Variants in HSP90AA1 observed in about 807,000 individuals in gnomAD.
The protein encoded by HSP90AA1 is heat shock protein 90 alpha family class A member 1, also known as heat shock protein HSP 90-alpha.
HSP90AA1 carries 18 observed loss-of-function variants against 73.3 expected under a neutral mutation model. That is an observed-to-expected ratio of 0.25 (90% CI 0.17 to 0.36). The LOEUF (loss-of-function observed/expected upper bound fraction) is 0.36. HSP90AA1 is among the 10% of genes least tolerant of loss of function. The pLI, the probability that HSP90AA1 is intolerant of heterozygous loss-of-function variation, is 1.00. For synonymous variants in HSP90AA1, 477 were observed against 296.9 expected (o/e 1.61, Z -6.24); for missense variants, 704 against 874.2 (o/e 0.81, Z 2.45).
intron 1 of HSP90AA1, among the ~76,000 whole-genome samples, chr14:102,137,469 G>A (rs1053736957): frequency 6.6e-6 from 1 of 151,560 alleles, no homozygotes; most frequent in Admixed American, 6.6e-5. Context: ...GGGATTACAG[G>A]CATGTGTCAC....
chr14:102,081,710 G>C lies in HSP90AA1; in HGVS notation c.*2C>G. ...ACAGGTAAGTCATCCCTCAGCCAGA[G>C]ATTAGTCTACTTCTTCCATGCGTGA... On this transcript the variant is annotated 3_prime_UTR_variant, in exon 11 of 11. Coordinates refer to ENST00000216281, the MANE Select transcript of HSP90AA1 (RefSeq NM_005348.4). 1 of 1,325,084 alleles carries C rather than the reference G, an allele frequency of 7.5e-7. No homozygotes were observed. Among genetic ancestry groups the C allele is most frequent in the African/African-American group, 1.4e-5 (1 of 69,362 alleles). The allele number at this position is 1,325,084 out of a possible 1,614,324, so 82.1% of individuals were successfully genotyped here.
intron 10 of HSP90AA1, 84 bp downstream of exon 10, chr14:102,082,027 A>T: frequency 1.0e-6 from 1 of 999,692 alleles, no homozygotes; most frequent in Non-Finnish European, 1.6e-6. Flanking sequence ...AGGTGCTCCA[A>T]GTTTGGATAA....
At chr14:102,139,470 CCTCCGCTCTTT>C in exon 1 of HSP90AA1, 1 of 1,455,410 alleles carries the variant, frequency 6.9e-7, no homozygotes, top group Admixed American at 2.4e-5. Flanking sequence ...TGGCGCTCTT[CCTCCGCTCTTT>C]GGGGTCCCGG....
rs1450478753 is a variant in HSP90AA1, at chr14:102,081,297, G to A, written c.*415C>T. The A allele has an allele frequency of 1.0e-5, 3 of 295,612 alleles. No individual in the cohort carries two copies. The highest frequency in any genetic ancestry group is 9.4e-5 in the Admixed American group (2 of 21,348). The allele number at this position is 295,612 out of a possible 1,614,324, so 18.3% of individuals were successfully genotyped here. ...GTACATGCAGAATTGTCAACTACAG[G>A]GAATGAAAAGTTCAAAAAGTAGATC... On this transcript the variant is annotated 3_prime_UTR_variant, in exon 11 of 11. Transcript: ENST00000216281.
intron 1 of HSP90AA1, among the ~76,000 whole-genome samples, chr14:102,102,942 G>T (rs755735030): frequency 6.6e-6 from 1 of 152,076 alleles, no homozygotes; most frequent in South Asian, 2.1e-4. Flanking sequence ...ACTTTGGGAG[G>T]CCGAGGTGGG....
intron 1 of HSP90AA1, among the ~76,000 whole-genome samples, chr14:102,128,311 G>A (rs2049862202): frequency 6.6e-6 from 1 of 151,360 alleles, no homozygotes; most frequent in African/African-American, 2.4e-5. Flanking sequence ...GACCAACATG[G>A]TGAAACCCCG....
rs35598057 is a variant in HSP90AA1 at position 102,082,208 on chromosome 14, G to A, written c.1992C>T (p.Ile664=). 8.6e-5 allele frequency: 139 copies of A among 1,613,920 alleles called. No individual in the cohort carries two copies. The African/African-American group carries it at 1.6e-3, about 19-fold the overall frequency. ...KNDKSVKDLV[I]LLYETALLSS... ...ACAGGAGCGCAGTTTCATAAAGCAA[G>A]ATGACCAGATCCTTCACAGACTTGT... is the stretch of plus-strand genomic sequence containing the variant. Residue 664 remains isoleucine, a synonymous_variant, in exon 10 of 11, where the codon ATC becomes ATT. Coordinates refer to ENST00000216281, the MANE Select transcript of HSP90AA1 (RefSeq NM_005348.4).
At chr14:102,119,893 A>C (rs996291909) in intron 1 of HSP90AA1, among the ~76,000 whole-genome samples, 5 of 152,204 alleles carry the variant, frequency 3.3e-5, no homozygotes, top group Non-Finnish European at 7.3e-5. Flanking sequence ...AGTTGTATGC[A>C]AAATTTGGTA....
At position 102,085,408 on chromosome 14, in the gene HSP90AA1, T is replaced by C; in HGVS notation, c.553A>G (p.Lys185Glu). Residue 185 changes from lysine (K) to glutamate (E), a missense_variant, in exon 4 of 11, where the codon AAA becomes GAA. Physicochemically the swap from Lys to Glu is moderately conservative, Grantham distance 56 (BLOSUM62 1). Coordinates refer to ENST00000216281, the MANE Select transcript of HSP90AA1 (RefSeq NM_005348.4). ...DTGEPMGRGT[K>E]VILHLKEDQT... Reference sequence around the variant, plus strand: ...TCTTCTTTCAGGTGTAGGATAACTTTTGTTCCACGACCCATAGGTTCACCT... The same window carrying C: ...TCTTCTTTCAGGTGTAGGATAACTTCTGTTCCACGACCCATAGGTTCACCT... 6 of 1,613,642 alleles carry C rather than the reference T, an allele frequency of 3.7e-6. No homozygotes were observed. Among genetic ancestry groups the C allele is most frequent in the Non-Finnish European group, 5.1e-6 (6 of 1,179,696 alleles).
Position 102,086,798 on chromosome 14 carries a change from A to G in HSP90AA1, c.-1+188T>C, listed in dbSNP as rs541909888. ...CGGGGAGCCCGCGGCCGCCCGGCCC[A>G]TTCCTGAAGCGGGGTGCGGAAACCG... On this transcript the variant is annotated intron_variant, in intron 1 of 10. Coordinates refer to ENST00000216281, the MANE Select transcript of HSP90AA1 (RefSeq NM_005348.4). 4.6e-5 allele frequency among the ~76,000 whole-genome samples: 7 copies of G among 151,474 alleles called. No individual in the cohort carries two copies. The East Asian group carries it at 7.9e-4, about 17-fold the overall frequency.
chr14:102,120,938 CA>C (rs1465139165), intron 1 of HSP90AA1, among the ~76,000 whole-genome samples: 64 of 140,694 alleles, frequency 4.5e-4, no homozygotes, highest in Non-Finnish European at 5.1e-4. Flanking sequence ...GACTCAGTCT[CA>C]AAAAAAAAAA....
At chr14:102,138,126 T>A (rs142283241) in intron 1 of HSP90AA1, among the ~76,000 whole-genome samples, 1 of 152,342 alleles carries the variant, frequency 6.6e-6, no homozygotes, top group East Asian at 1.9e-4. Context: ...GATAGAATGC[T>A]TGAATTATAT....
At chr14:102,087,280 T>C (rs1595661079), upstream of HSP90AA1, 2 of 486,558 alleles carry the variant, frequency 4.1e-6, no homozygotes, top group Non-Finnish European at 5.3e-6. Flanking sequence ...CGCGCGCCTC[T>C]CGCACGCCCC....
In HSP90AA1 at chr14:102,085,221, T is replaced by G. The variant is rs2049196919; in HGVS notation, c.663+77A>C. ...AGGCTTCAGACTAGTTGAACAGATC[T>G]AGGGACTAAGGATGTAGTACAGTCA... On this transcript the variant is annotated intron_variant, in intron 4 of 10. Transcript: ENST00000216281. 2.0e-6 allele frequency: 3 copies of G among 1,504,324 alleles called. No homozygotes were observed. In the Admixed American group the frequency reaches 5.0e-5, roughly 25 times the overall value. 93.2% of individuals were successfully genotyped at this position (1,504,324 alleles called of 1,614,324 possible). A position where few individuals can be genotyped will look rare whatever the true frequency, so the allele number is the denominator to read the frequency against.
At chr14:102,101,830 G>T in intron 2 of HSP90AA1, 1 of 1,497,726 alleles carries the variant, frequency 6.7e-7, no homozygotes, top group South Asian at 1.1e-5. Context: ...GTTAACATTA[G>T]CTAGAAATGT....
intron 1 of HSP90AA1, among the ~76,000 whole-genome samples, chr14:102,113,910 CCAT>C (rs2049674815): frequency 1.3e-5 from 2 of 152,048 alleles, no homozygotes; most frequent in Non-Finnish European, 2.9e-5. Flanking sequence ...CGAGGTTTCA[CCAT>C]GTTAGCCAGG....
At chr14:102,120,776 C>T (rs940359248) in intron 1 of HSP90AA1, among the ~76,000 whole-genome samples, 15 of 151,766 alleles carry the variant, frequency 9.9e-5, no homozygotes, top group Non-Finnish European at 8.8e-5. Context: ...AACCCTATCT[C>T]TACTAAAAAT....
rs566632976 is a variant in HSP90AA1, at chr14:102,126,525, CT to C, written c.155+12724del. ...TACTGACTGCATCCTCGACTAGATT[CT>C]TTTTTTTTTTCTTTTTTGAGACGGA... is the stretch of plus-strand genomic sequence containing the variant. On this transcript the variant is annotated intron_variant, in intron 1 of 11. Coordinates refer to the HSP90AA1 transcript ENST00000334701. 9.2e-4 allele frequency among the ~76,000 whole-genome samples: 135 copies of C among 147,418 alleles called. 1 individual carries two copies. The South Asian group carries it at 0.021, about 23-fold the overall frequency.
intron 1 of HSP90AA1, chr14:102,139,112 C>A: frequency 9.3e-7 from 1 of 1,072,196 alleles, no homozygotes. Flanking sequence ...CGCTAAGAAG[C>A]GGAGGCCGCC....
Sources: allele counts gnomAD v4.1 joint callset (sites outside exome capture counted in the v4.1 genomes callset), GRCh38; gene constraint gnomAD v4.1.1; transcripts MANE v1.5; gene names NCBI Gene and HGNC (gene_info 2026-07-23, HGNC 2026-07-21).